The following GSE1 variants were observed in gnomAD, a reference collection of about 807,000 sequenced individuals.
GSE1 encodes genetic suppressor element 1.
A neutral mutation model predicts 112.6 loss-of-function variants in GSE1; 32 were observed. That is an observed-to-expected ratio of 0.28 (90% CI 0.21 to 0.38). The LOEUF is 0.38. Among genes scored for constraint, GSE1 ranks in the 10% least tolerant of loss-of-function variants. The pLI, the probability that GSE1 is intolerant of heterozygous loss-of-function variation, is 1.00. For missense variants in GSE1, 2,348 were observed against 1,699.2 expected (o/e 1.38, Z -6.71); for synonymous variants, 1,115 against 735.6 (o/e 1.52, Z -8.35).
chr16:85,455,196 C>T (rs1225737114), intron 2 of GSE1, among the ~76,000 whole-genome samples: 1 of 152,196 alleles, frequency 6.6e-6, no homozygotes, highest in Non-Finnish European at 1.5e-5. Flanking sequence ...GACCCAGGGT[C>T]CCTCTTCACA....
At chr16:85,226,173 A>T (rs547716274) in intron 1 of GSE1, among the ~76,000 whole-genome samples, 6 of 152,270 alleles carry the variant, frequency 3.9e-5, no homozygotes, top group Non-Finnish European at 8.8e-5. Flanking sequence ...ACGTCAGAGG[A>T]TCCATGGACA....
intron 2 of GSE1, among the ~76,000 whole-genome samples, chr16:85,384,301 T>C (rs1430712177): frequency 2.0e-5 from 3 of 152,146 alleles, no homozygotes; most frequent in African/African-American, 7.2e-5. Context: ...GAGCGGCCCA[T>C]CCTGGGAGGG....
At chr16:85,429,160 G>A (rs1463624004) in intron 2 of GSE1, among the ~76,000 whole-genome samples, 1 of 152,232 alleles carries the variant, frequency 6.6e-6, no homozygotes, top group Non-Finnish European at 1.5e-5. Flanking sequence ...CAGAGGTGCA[G>A]GTGGGGAGAC....
chr16:85,445,006 T>G (rs759077237), intron 2 of GSE1, among the ~76,000 whole-genome samples: 1 of 152,222 alleles, frequency 6.6e-6, no homozygotes, highest in Non-Finnish European at 1.5e-5. Flanking sequence ...TGAGCCGCTT[T>G]TCATGCTTCA....
intron 3 of GSE1, among the ~76,000 whole-genome samples, chr16:85,650,534 G>A (rs570205198): frequency 2.9e-4 from 44 of 152,298 alleles, no homozygotes; most frequent in African/African-American, 8.2e-4. Flanking sequence ...CTTTTCCGGC[G>A]ACTCCTCCGC....
chr16:85,190,829 G>C (rs1382781170), intron 1 of GSE1, among the ~76,000 whole-genome samples: 1 of 152,232 alleles, frequency 6.6e-6, no homozygotes, highest in East Asian at 1.9e-4. Context: ...GGGCACAAAG[G>C]GCGGACTCAC....
rs113344091 is a variant in GSE1 at position 85,606,312 on chromosome 16, G to T, written c.38-42240G>T. ...TAGGCATGTGAGGAAATGAAAACCT[G>T]GCATCCCCACCCCAGACAGCAGGAG... On this transcript the variant is annotated intron_variant, in intron 1 of 2. Transcript: ENST00000635906. 2.6e-3 allele frequency among the ~76,000 whole-genome samples: 391 copies of T among 152,360 alleles called. 2 individuals carry two copies. Among genetic ancestry groups the T allele is most frequent in the Non-Finnish European group, 4.4e-3 (300 of 68,030 alleles).
rs190524668 is a variant in GSE1 at position 85,643,804 on chromosome 16, C to A, written c.227-4748C>A. ...CCACTGTCCGGTCCCCAGGGAGGAC[C>A]CACAGCCCACCTGGCCATTGGCCCC... On this transcript the variant is annotated intron_variant, in intron 2 of 15. Coordinates refer to ENST00000253458, the MANE Select transcript of GSE1 (RefSeq NM_014615.5). 1.3e-3 allele frequency among the ~76,000 whole-genome samples: 192 copies of A among 152,258 alleles called. 1 individual carries two copies. The East Asian group carries it at 0.028, about 22-fold the overall frequency.
At chr16:85,666,448 G>GTT in intron 13 of GSE1, 101 bp downstream of exon 13, 1 of 1,127,970 alleles carries the variant, frequency 8.9e-7, no homozygotes, top group Non-Finnish European at 1.3e-6. Context: ...GTGGGCACAA[G>GTT]TTTTTATAAA....
At chr16:85,287,895 A>G (rs1360745680) in intron 1 of GSE1, among the ~76,000 whole-genome samples, 1 of 152,130 alleles carries the variant, frequency 6.6e-6, no homozygotes, top group African/African-American at 2.4e-5. Flanking sequence ...ATGCCTGCGC[A>G]CAGTAGGCAC....
intron 2 of GSE1, among the ~76,000 whole-genome samples, chr16:85,465,496 G>A (rs1410311768): frequency 1.3e-5 from 2 of 152,228 alleles, no homozygotes; most frequent in African/African-American, 4.8e-5. Context: ...CCTGCTAGGG[G>A]TAAGTGCATC....
At chr16:85,202,584 C>T (rs1046305567) in intron 1 of GSE1, among the ~76,000 whole-genome samples, 1 of 152,190 alleles carries the variant, frequency 6.6e-6, no homozygotes, top group Admixed American at 6.5e-5. Flanking sequence ...AGAACCCCAC[C>T]CCACACAGGG....
At chr16:85,621,178 A>T (rs1283856529) in intron 1 of GSE1, among the ~76,000 whole-genome samples, 83 of 63,934 alleles carry the variant, frequency 1.3e-3, no homozygotes, top group Middle Eastern at 0.016. Context: ...GGATCTCTGC[A>T]CTGTTGGGGA....
At chr16:85,572,041 G>A (rs2046004170) in intron 1 of GSE1, among the ~76,000 whole-genome samples, 1 of 150,390 alleles carries the variant, frequency 6.6e-6, no homozygotes. Flanking sequence ...ACACACACAC[G>A]TACAACACAT....
At chr16:85,356,321 G>A (rs1597472945) in intron 1 of GSE1, among the ~76,000 whole-genome samples, 2 of 152,374 alleles carry the variant, frequency 1.3e-5, no homozygotes, top group Non-Finnish European at 2.9e-5. Flanking sequence ...GTGCCCTGAG[G>A]CCCGGGGCTG....
intron 2 of GSE1, among the ~76,000 whole-genome samples, chr16:85,640,603 G>T (rs554861474): frequency 6.6e-6 from 1 of 152,212 alleles, no homozygotes; most frequent in Admixed American, 6.5e-5. Flanking sequence ...CTACGTGTGC[G>T]GGGACCACGG....
chr16:85,264,673 T>C (rs1252923907), intron 1 of GSE1, among the ~76,000 whole-genome samples: 1 of 152,166 alleles, frequency 6.6e-6, no homozygotes. Context: ...TCCCTGGTGC[T>C]TGTCGCAGCT....
chr16:85,422,371 G>T (rs1042270675), intron 2 of GSE1, among the ~76,000 whole-genome samples: 16 of 149,254 alleles, frequency 1.1e-4, no homozygotes, highest in Non-Finnish European at 2.1e-4. Context: ...GGGCGGGGCG[G>T]GGGGGGGTGC....
At chr16:85,445,561 A>C (rs2049489480) in intron 2 of GSE1, among the ~76,000 whole-genome samples, 1 of 152,260 alleles carries the variant, frequency 6.6e-6, no homozygotes, top group African/African-American at 2.4e-5. Flanking sequence ...AGCCATCTGC[A>C]CTGTGATAAA....
Sources: allele counts gnomAD v4.1 joint callset (sites outside exome capture counted in the v4.1 genomes callset), GRCh38; gene constraint gnomAD v4.1.1; transcripts MANE v1.5; gene names NCBI Gene and HGNC (gene_info 2026-07-23, HGNC 2026-07-21).